MDFIC: variants seen among roughly 807,000 people sequenced by gnomAD.
The protein encoded by MDFIC is MyoD family inhibitor domain containing.
A neutral mutation model predicts 23.2 loss-of-function variants in MDFIC; 17 were observed. That is an observed-to-expected ratio of 0.73 (90% CI 0.50 to 1.10). The LOEUF is 1.10. MDFIC is among the 50% of genes least tolerant of loss of function. MDFIC has a pLI of 0.00. For synonymous variants in MDFIC, 120 were observed against 115.2 expected (o/e 1.04, Z -0.27); for missense variants, 356 against 316.6 (o/e 1.12, Z -0.95).
intron 2 of MDFIC, among the ~76,000 whole-genome samples, chr7:114,932,509 G>T (rs1792333290): frequency 6.6e-6 from 1 of 152,180 alleles, no homozygotes; most frequent in African/African-American, 2.4e-5. Flanking sequence ...ATGAATTTTG[G>T]GAAATGTTGA....
rs58605596 is a variant in MDFIC at position 114,976,656 on chromosome 7, TA to T, written c.218-2847del. On this transcript the variant is annotated intron_variant, in intron 3 of 4. Coordinates refer to ENST00000393486, the MANE Select transcript of MDFIC (RefSeq NM_001166345.3). ...ACAGGATGTTCTATATTAGTTTTTATAAATCAGATATTAATGCTAATAGACT... is the reference window on the plus strand; with the variant it reads ...ACAGGATGTTCTATATTAGTTTTTATAATCAGATATTAATGCTAATAGACT... 5.6e-3 allele frequency among the ~76,000 whole-genome samples: 858 copies of T among 152,286 alleles called. 6 individuals are homozygous for T. Among genetic ancestry groups the T allele is most frequent in the African/African-American group, 0.019 (796 of 41,562 alleles).
chr7:114,980,924 G>A (rs1423542266), intron 4 of MDFIC, among the ~76,000 whole-genome samples: 3 of 152,202 alleles, frequency 2.0e-5, no homozygotes, highest in Non-Finnish European at 4.4e-5. Context: ...AAAGTGTTAG[G>A]TTGATCAAAT....
At chr7:114,923,267 G>A (rs1792128191) in intron 2 of MDFIC, 140 bp downstream of exon 2, 14 of 1,279,920 alleles carry the variant, frequency 1.1e-5, no homozygotes, top group Admixed American at 4.2e-5. Flanking sequence ...CACAGTTCGC[G>A]TTACTCAGGC....
At chr7:114,934,646 G>A (rs1792389632) in intron 2 of MDFIC, among the ~76,000 whole-genome samples, 1 of 152,106 alleles carries the variant, frequency 6.6e-6, no homozygotes, top group Non-Finnish European at 1.5e-5. Flanking sequence ...ATCTTGCTCA[G>A]AAGTCTTATT....
chr7:114,922,754 A>T (rs965637173), intron 1 of MDFIC, 118 bp downstream of exon 1: 12 of 1,297,548 alleles, frequency 9.2e-6, no homozygotes, highest in Non-Finnish European at 1.2e-5. Context: ...GACCCCTGGG[A>T]CCCCGCCGCT....
intron 3 of MDFIC, among the ~76,000 whole-genome samples, chr7:114,956,491 G>A (rs1201791573): frequency 6.6e-6 from 1 of 151,904 alleles, no homozygotes; most frequent in Non-Finnish European, 1.5e-5. Flanking sequence ...CATTCCAATG[G>A]ATAGGTAGAG....
At chr7:115,004,860 A>C (rs1325568576) in intron 4 of MDFIC, among the ~76,000 whole-genome samples, 1 of 152,186 alleles carries the variant, frequency 6.6e-6, no homozygotes, top group African/African-American at 2.4e-5. Context: ...TATTTATATG[A>C]AGCCTACTTT....
intron 3 of MDFIC, among the ~76,000 whole-genome samples, chr7:114,960,493 C>A (rs193032427): frequency 6.6e-6 from 1 of 151,878 alleles, no homozygotes; most frequent in Non-Finnish European, 1.5e-5. Flanking sequence ...TAAAAAACCC[C>A]GCAAACACAT....
At chr7:114,972,861 T>C (rs1793235156) in intron 3 of MDFIC, among the ~76,000 whole-genome samples, 1 of 152,114 alleles carries the variant, frequency 6.6e-6, no homozygotes, top group South Asian at 2.1e-4. Context: ...CAAGTGATCC[T>C]CCGACCTCAG....
intron 4 of MDFIC, chr7:114,980,030 A>G (rs865847121): frequency 2.0e-6 from 1 of 508,930 alleles, no homozygotes; most frequent in African/African-American, 1.9e-5. Flanking sequence ...TATAACTGCT[A>G]TACTTCTTTT....
chr7:115,014,110 A>G, intron 4 of MDFIC: 2 of 985,396 alleles, frequency 2.0e-6, no homozygotes, highest in Non-Finnish European at 2.4e-6. Context: ...CCTTTTCACC[A>G]TCTGCCAAGT....
intron 2 of MDFIC, among the ~76,000 whole-genome samples, chr7:114,927,028 G>A (rs1001924319): frequency 4.6e-5 from 7 of 152,112 alleles, no homozygotes; most frequent in African/African-American, 1.7e-4. Context: ...GGTGCTACTA[G>A]CATCTAGTGA....
intron 4 of MDFIC, among the ~76,000 whole-genome samples, chr7:114,990,919 G>A (rs1213405884): frequency 2.0e-5 from 3 of 151,922 alleles, no homozygotes; most frequent in East Asian, 1.9e-4. Context: ...TTGAGGAATC[G>A]CCACACTGTT....
intron 4 of MDFIC, among the ~76,000 whole-genome samples, chr7:114,985,642 A>T (rs964838492): frequency 2.0e-5 from 3 of 150,784 alleles, no homozygotes; most frequent in Middle Eastern, 6.8e-3. Flanking sequence ...ATCTCTCACC[A>T]CCTCCCTCTC....
At chr7:114,992,182 A>T (rs1041168976) in intron 4 of MDFIC, among the ~76,000 whole-genome samples, 11 of 152,056 alleles carry the variant, frequency 7.2e-5, no homozygotes, top group African/African-American at 2.4e-4. Context: ...AATGCTTGTG[A>T]TTTTTGCACA....
At chr7:114,950,067 T>C (rs1346477430) in intron 3 of MDFIC, among the ~76,000 whole-genome samples, 1 of 152,110 alleles carries the variant, frequency 6.6e-6, no homozygotes, top group African/African-American at 2.4e-5. Context: ...TAGAAAGTAT[T>C]GAAGGGAGTA....
chr7:115,003,834 C>T (rs144339348), intron 4 of MDFIC, among the ~76,000 whole-genome samples: 1 of 152,178 alleles, frequency 6.6e-6, no homozygotes, highest in Non-Finnish European at 1.5e-5. Flanking sequence ...TATGTTCTCT[C>T]CTCTTCCCTT....
At chr7:114,982,279 C>A (rs1793430485) in intron 4 of MDFIC, among the ~76,000 whole-genome samples, 1 of 152,044 alleles carries the variant, frequency 6.6e-6, no homozygotes, top group African/African-American at 2.4e-5. Flanking sequence ...CTTGAATAGG[C>A]AGCATGATTT....
At chr7:114,956,680 G>A (rs1489112840) in intron 3 of MDFIC, among the ~76,000 whole-genome samples, 1 of 152,102 alleles carries the variant, frequency 6.6e-6, no homozygotes, top group African/African-American at 2.4e-5. Flanking sequence ...AATATGTACT[G>A]ATGTGCAGAA....
Sources: gnomAD v4.1 joint callset for allele counts (sites outside exome capture counted in the v4.1 genomes callset) on GRCh38, gnomAD v4.1.1 for gene constraint, MANE v1.5 for transcripts, NCBI Gene and HGNC (gene_info 2026-07-23, HGNC 2026-07-21) for gene names.